ARID5B: variants seen among roughly 807,000 people sequenced by gnomAD.
ARID5B encodes AT-rich interaction domain 5B.
Under a neutral mutation model 97.2 loss-of-function variants are expected in ARID5B, and 13 were observed. That is an observed-to-expected ratio of 0.13 (90% CI 0.09 to 0.21). The LOEUF is 0.21. Ranked by LOEUF, ARID5B falls within the 10% of genes least tolerant of loss-of-function variation. The pLI, the probability that ARID5B is intolerant of heterozygous loss-of-function variation, is 1.00. For synonymous variants in ARID5B, 556 were observed against 570.3 expected (o/e 0.97, Z 0.36); for missense variants, 1,210 against 1,465.3 (o/e 0.83, Z 2.84).
rs114035226 is a variant in ARID5B, at chr10:61,917,714, C to T, written c.276+15301C>T. On this transcript the variant is annotated intron_variant, in intron 2 of 9. Coordinates refer to ENST00000279873, the MANE Select transcript of ARID5B (RefSeq NM_032199.3). ...CTCATATTTGGCCCATTTTCTGTAA[C>T]TAAAGCAAAAAGAACCGTTGGTCCC... is the stretch of plus-strand genomic sequence containing the variant. Among the ~76,000 whole-genome samples, 821 of 152,256 alleles carry T rather than the reference C, an allele frequency of 5.4e-3. 10 individuals are homozygous for T. The highest frequency in any genetic ancestry group is 0.019 in the African/African-American group (777 of 41,550).
At chr10:61,938,904 C>T (rs1481021206) in intron 2 of ARID5B, among the ~76,000 whole-genome samples, 2 of 149,304 alleles carry the variant, frequency 1.3e-5, no homozygotes, top group Non-Finnish European at 1.5e-5. Context: ...AAACCCTCAA[C>T]CCAGGGCTTC....
intron 4 of ARID5B, among the ~76,000 whole-genome samples, chr10:62,030,497 C>T (rs1839482933): frequency 6.6e-6 from 1 of 152,122 alleles, no homozygotes; most frequent in African/African-American, 2.4e-5. Context: ...AAGACAAATC[C>T]CAGTTAGCCT....
At chr10:62,032,453 T>C (rs1286128638) in intron 4 of ARID5B, among the ~76,000 whole-genome samples, 1 of 152,134 alleles carries the variant, frequency 6.6e-6, no homozygotes, top group Non-Finnish European at 1.5e-5. Context: ...GTGTGGTGAG[T>C]CACGCCTGTA....
At chr10:61,935,562 G>T (rs951915803) in intron 2 of ARID5B, among the ~76,000 whole-genome samples, 1 of 152,070 alleles carries the variant, frequency 6.6e-6, no homozygotes, top group East Asian at 1.9e-4. Flanking sequence ...GGAGCTGGTG[G>T]GGAGTGGAGG....
At chr10:61,942,849 T>G (rs1229509559) in intron 3 of ARID5B, among the ~76,000 whole-genome samples, 3 of 152,172 alleles carry the variant, frequency 2.0e-5, no homozygotes, top group Non-Finnish European at 4.4e-5. Context: ...CTGATTTTGT[T>G]TGTTTGTTTT....
At chr10:61,966,428 AT>A (rs759603090) in intron 3 of ARID5B, among the ~76,000 whole-genome samples, 75 of 152,176 alleles carry the variant, frequency 4.9e-4, no homozygotes, top group Non-Finnish European at 9.4e-4. Context: ...ATTGTAAGGA[AT>A]TGCAAAAATT....
At chr10:61,929,346 C>G (rs1589223051) in intron 2 of ARID5B, among the ~76,000 whole-genome samples, 1 of 152,174 alleles carries the variant, frequency 6.6e-6, no homozygotes, top group Non-Finnish European at 1.5e-5. Flanking sequence ...CCATCCCCTC[C>G]CTGCCAACCC....
chr10:61,965,189 A>G (rs1838527131), intron 3 of ARID5B, among the ~76,000 whole-genome samples: 1 of 151,946 alleles, frequency 6.6e-6, no homozygotes, highest in African/African-American at 2.4e-5. Context: ...GGGGCAGGGT[A>G]TTTTTTTTAT....
intron 4 of ARID5B, among the ~76,000 whole-genome samples, chr10:62,007,972 C>T (rs1448455809): frequency 6.6e-6 from 1 of 151,924 alleles, no homozygotes; most frequent in East Asian, 1.9e-4. Context: ...CTTTCTGTAA[C>T]TCATCATTAT....
chr10:61,955,676 G>A (rs1386175307), intron 3 of ARID5B, among the ~76,000 whole-genome samples: 3 of 152,058 alleles, frequency 2.0e-5, no homozygotes, highest in Non-Finnish European at 4.4e-5. Flanking sequence ...TTTGAGACAA[G>A]CTGTCACTCT....
intron 7 of ARID5B, among the ~76,000 whole-genome samples, chr10:62,067,401 A>G (rs762348922): frequency 9.2e-5 from 14 of 152,226 alleles, no homozygotes; most frequent in Non-Finnish European, 1.3e-4. Flanking sequence ...TGTTCTAACT[A>G]GAGATACAAG....
intron 3 of ARID5B, among the ~76,000 whole-genome samples, chr10:61,981,018 A>G (rs1334869322): frequency 6.6e-6 from 1 of 152,186 alleles, no homozygotes; most frequent in Admixed American, 6.5e-5. Flanking sequence ...ACTTATAAGC[A>G]GTGGCTATGA....
chr10:62,027,504 G>A (rs1236424073), intron 4 of ARID5B, among the ~76,000 whole-genome samples: 2 of 150,818 alleles, frequency 1.3e-5, no homozygotes, highest in East Asian at 1.9e-4. Flanking sequence ...TAGTAGAGAC[G>A]GGGTTTCACC....
intron 4 of ARID5B, among the ~76,000 whole-genome samples, chr10:62,004,596 C>G (rs1413361873): frequency 6.6e-6 from 1 of 152,230 alleles, no homozygotes; most frequent in Non-Finnish European, 1.5e-5. Flanking sequence ...TCTCCAACAA[C>G]CCCTACCTTG....
chr10:62,094,667 A>G lies in ARID5B; in HGVS notation c.*1637A>G. The G allele has an allele frequency of 4.3e-6, 1 of 231,180 alleles. No individual in the cohort carries two copies. The highest frequency in any genetic ancestry group is 8.6e-6 in the Non-Finnish European group (1 of 116,770). The allele number at this position is 231,180 out of a possible 1,614,324, so 14.3% of individuals were successfully genotyped here. A position where few individuals can be genotyped will look rare whatever the true frequency, so the allele number is the denominator to read the frequency against. ...CGAGATATAACATTAAGGTGGACAC[A>G]TTTTCTAACTGTATTAATTAAAAGT... On this transcript the variant is annotated 3_prime_UTR_variant, in exon 10 of 10. Transcript: ENST00000279873.
At chr10:62,066,148 T>G (rs1400714584) in intron 7 of ARID5B, among the ~76,000 whole-genome samples, 2 of 152,186 alleles carry the variant, frequency 1.3e-5, no homozygotes, top group East Asian at 3.8e-4. Context: ...TTAGGCACAA[T>G]TAAAGCATGT....
chr10:61,956,803 A>C (rs1482676997), intron 3 of ARID5B, among the ~76,000 whole-genome samples: 1 of 152,232 alleles, frequency 6.6e-6, no homozygotes, highest in Non-Finnish European at 1.5e-5. Context: ...TATAACACAC[A>C]TAAAAATGTA....
chr10:61,970,898 A>G (rs1838617163), intron 3 of ARID5B, among the ~76,000 whole-genome samples: 1 of 152,250 alleles, frequency 6.6e-6, no homozygotes, highest in East Asian at 1.9e-4. Context: ...CCTCAACAAA[A>G]GTAATTGTTT....
intron 3 of ARID5B, among the ~76,000 whole-genome samples, chr10:61,995,171 A>C (rs564027425): frequency 6.6e-6 from 1 of 152,336 alleles, no homozygotes; most frequent in East Asian, 1.9e-4. Context: ...GTGTGGTTGA[A>C]AGAAAATCTG....
Sources: gnomAD v4.1 joint callset for allele counts (sites outside exome capture counted in the v4.1 genomes callset) on GRCh38, gnomAD v4.1.1 for gene constraint, MANE v1.5 for transcripts, NCBI Gene and HGNC (gene_info 2026-07-23, HGNC 2026-07-21) for gene names.